The following WTAP variants were observed in gnomAD, a reference collection of about 807,000 sequenced individuals.
WTAP encodes pre-mRNA-splicing regulator WTAP.
A neutral mutation model predicts 50.0 loss-of-function variants in WTAP; 8 were observed. The ratio of observed to expected loss-of-function variants is 0.16; its 90% CI spans 0.09 to 0.29. The LOEUF (loss-of-function observed/expected upper bound fraction) is 0.29. Among genes scored for constraint, WTAP ranks in the 10% least tolerant of loss-of-function variants. WTAP has a pLI of 1.00. For synonymous variants in WTAP, 194 were observed against 169.0 expected, an observed-to-expected ratio of 1.15 and a Z score of -1.15; for missense variants, 295 against 470.7, an observed-to-expected ratio of 0.63 and a Z score of 3.45.
chr6:159,736,364 A>G, intron 2 of WTAP, 69 bp downstream of exon 2: 3 of 1,240,640 alleles, frequency 2.4e-6, no homozygotes, highest in Admixed American at 4.0e-5. Flanking sequence ...AAGCACTTTA[A>G]AAAAAAATAG....
intron 4 of WTAP, among the ~76,000 whole-genome samples, chr6:159,742,837 C>G (rs1381904058): frequency 6.6e-6 from 1 of 151,782 alleles, no homozygotes. Context: ...GGGAAGATCA[C>G]TTGAGCCCAG....
intron 7 of WTAP, 71 bp downstream of exon 7, chr6:159,753,685 A>G: frequency 1.3e-6 from 2 of 1,513,926 alleles, no homozygotes; most frequent in Non-Finnish European, 8.9e-7. Flanking sequence ...CCAGTCATGA[A>G]TATTATAGGT....
chr6:159,744,867 T>C (rs1016703539), intron 5 of WTAP, among the ~76,000 whole-genome samples: 6 of 152,182 alleles, frequency 3.9e-5, no homozygotes, highest in African/African-American at 1.4e-4. Context: ...TTTGTAGAGA[T>C]GAGGTCTTCC....
intron 2 of WTAP, among the ~76,000 whole-genome samples, chr6:159,737,236 A>G (rs1472657828): frequency 6.6e-6 from 1 of 152,132 alleles, no homozygotes; most frequent in African/African-American, 2.4e-5. Flanking sequence ...TCTTGTAGAG[A>G]TGGGGTTTTA....
chr6:159,734,547 C>T (rs1778789276), intron 1 of WTAP, among the ~76,000 whole-genome samples: 1 of 152,042 alleles, frequency 6.6e-6, no homozygotes, highest in South Asian at 2.1e-4. Flanking sequence ...CGTGATCCTT[C>T]CACAGGTAGT....
chr6:159,751,040 A>G (rs1779801357), intron 6 of WTAP, among the ~76,000 whole-genome samples: 1 of 152,258 alleles, frequency 6.6e-6, no homozygotes, highest in African/African-American at 2.4e-5. Context: ...TTAGAGGTAT[A>G]TCTTTCAAAG....
At chr6:159,726,857 A>C (rs773148437), upstream of WTAP, 3 of 1,289,210 alleles carry the variant, frequency 2.3e-6, no homozygotes, top group South Asian at 3.7e-5. Context: ...CTTACAGGTG[A>C]GCTTCTGCTA....
Position 159,748,974 on chromosome 6 carries a change from A to G in WTAP, c.452+605A>G. The G allele has an allele frequency of 2.8e-6, 3 of 1,055,076 alleles. No individual in the cohort carries two copies. In the South Asian group the frequency reaches 1.4e-4, roughly 48 times the overall value. The allele number at this position is 1,055,076 out of a possible 1,614,324, so 65.4% of individuals were successfully genotyped here. A position where few individuals can be genotyped will look rare whatever the true frequency, so the allele number is the denominator to read the frequency against. ...TAAAGGGTTTATTTGCTGAGAACCA[A>G]CTTTCAATAGTCATGAGAGAATCAA... On this transcript the variant is annotated intron_variant, in intron 6 of 7. Coordinates refer to ENST00000621533, the MANE Select transcript of WTAP (RefSeq NM_001270531.2). The surrounding 1 kb of genome is among the most constrained non-coding windows in gnomAD (Gnocchi z 5.6).
rs1423641347 is a variant in WTAP at position 159,755,886 on chromosome 6, G to C, written c.*275G>C. 11 of 366,506 alleles carry C rather than the reference G, an allele frequency of 3.0e-5. No homozygotes were observed. The highest frequency in any genetic ancestry group is 3.1e-5 in the Non-Finnish European group (7 of 226,824). The allele number at this position is 366,506 out of a possible 1,614,324, so 22.7% of individuals were successfully genotyped here. On this transcript the variant is annotated 3_prime_UTR_variant, in exon 8 of 8. Transcript: ENST00000621533. ...GTGTAGGGTCAAGTTATTTTTATAT[G>C]AGTTAATGTGAAATTGTAAATGGAA...
chr6:159,731,740 G>T (rs1195251046), intron 1 of WTAP, among the ~76,000 whole-genome samples: 1 of 152,148 alleles, frequency 6.6e-6, no homozygotes, highest in Non-Finnish European at 1.5e-5. Flanking sequence ...CAGTATTTGG[G>T]CCCTGGTTGT....
chr6:159,748,979 C>A lies in WTAP; in HGVS notation c.452+610C>A. On this transcript the variant is annotated intron_variant, in intron 6 of 7. Coordinates refer to ENST00000621533, the MANE Select transcript of WTAP (RefSeq NM_001270531.2). The surrounding 1 kb of genome is among the most constrained non-coding windows in gnomAD (Gnocchi z 5.6). ...GGTTTATTTGCTGAGAACCAACTTT[C>A]AATAGTCATGAGAGAATCAAATAAT... 6 of 1,046,736 alleles carry A rather than the reference C, an allele frequency of 5.7e-6. No homozygotes were observed. Among genetic ancestry groups the A allele is most frequent in the Non-Finnish European group, 6.9e-6 (6 of 870,246 alleles). 64.8% of individuals were successfully genotyped at this position (1,046,736 alleles called of 1,614,324 possible). A position where few individuals can be genotyped will look rare whatever the true frequency, so the allele number is the denominator to read the frequency against.
At chr6:159,736,229 A>T (rs1778905155) in intron 1 of WTAP, 29 bp from the exon 2 acceptor site, 1 of 1,581,474 alleles carries the variant, frequency 6.3e-7, no homozygotes, top group Admixed American at 1.8e-5. Context: ...AAATAAATTG[A>T]ACTTGTTTTC....
At chr6:159,743,533 C>T in intron 4 of WTAP, 132 bp from the exon 5 acceptor site, 1 of 850,548 alleles carries the variant, frequency 1.2e-6, no homozygotes, top group Non-Finnish European at 1.7e-6. Context: ...AGAAATTCGC[C>T]TGTTATAAAA....
intron 1 of WTAP, among the ~76,000 whole-genome samples, chr6:159,736,048 G>C (rs974146390): frequency 2.6e-5 from 4 of 152,134 alleles, no homozygotes; most frequent in African/African-American, 9.7e-5. Flanking sequence ...AACAAAGGAA[G>C]ATCTGGGTAC....
intron 2 of WTAP, among the ~76,000 whole-genome samples, chr6:159,738,025 C>G (rs1779027176): frequency 6.6e-6 from 1 of 152,202 alleles, no homozygotes; most frequent in Non-Finnish European, 1.5e-5. Flanking sequence ...GCAGACATCT[C>G]TAATAACTGT....
chr6:159,728,072 C>A (rs549859706), intron 1 of WTAP, among the ~76,000 whole-genome samples: 1 of 152,338 alleles, frequency 6.6e-6, no homozygotes, highest in African/African-American at 2.4e-5. Context: ...GAGGACCTGG[C>A]GGCACTAACG....
In WTAP at chr6:159,755,765, C is replaced by CTTTT; in HGVS notation, c.*176_*179dup. The stretch of plus-strand genomic sequence containing the variant: ...TTTTTCTTTGTTTTTTTTTTCTTTT[C>CTTTT]TTTTTTTTTTTTTTTTTTTTTTTTT... On this transcript the variant is annotated 3_prime_UTR_variant, in exon 8 of 8. Coordinates refer to ENST00000621533, the MANE Select transcript of WTAP (RefSeq NM_001270531.2). The CTTTT allele has an allele frequency of 1.7e-3, 299 of 173,282 alleles. No individual in the cohort carries two copies. Among genetic ancestry groups the CTTTT allele is most frequent in the Middle Eastern group, 5.2e-3 (2 of 388 alleles). 10.7% of individuals were successfully genotyped at this position (173,282 alleles called of 1,614,324 possible).
intron 5 of WTAP, among the ~76,000 whole-genome samples, chr6:159,745,494 T>G (rs1779522910): frequency 1.3e-5 from 2 of 152,134 alleles, no homozygotes; most frequent in Non-Finnish European, 2.9e-5. Context: ...CAACTTCCTG[T>G]TCTTCCAATT....
At chr6:159,752,062 C>CAAA (rs60854821) in intron 6 of WTAP, among the ~76,000 whole-genome samples, 2 of 95,002 alleles carry the variant, frequency 2.1e-5, no homozygotes, top group South Asian at 3.2e-4. Flanking sequence ...ACCCCCATCT[C>CAAA]AAAAAAAAAA....
Sources: allele counts gnomAD v4.1 joint callset (sites outside exome capture counted in the v4.1 genomes callset), GRCh38; gene constraint gnomAD v4.1.1; non-coding constraint Gnocchi (gnomAD v3.1); transcripts MANE v1.5; gene names NCBI Gene and HGNC (gene_info 2026-07-23, HGNC 2026-07-21).